The following RAPGEF6 variants were observed in gnomAD, a reference collection of about 807,000 sequenced individuals.
RAPGEF6 encodes Rap guanine nucleotide exchange factor 6.
A neutral mutation model predicts 171.4 loss-of-function variants in RAPGEF6; 56 were observed. The ratio of observed to expected loss-of-function variants is 0.33; its 90% CI spans 0.26 to 0.41. The LOEUF is 0.41. Ranked by LOEUF, RAPGEF6 falls within the 10% of genes least tolerant of loss-of-function variation. The pLI is 1.00. For synonymous variants in RAPGEF6, 692 were observed against 650.1 expected (o/e 1.06, Z -0.98); for missense variants, 1,674 against 1,921.4 (o/e 0.87, Z 2.41).
chr5:131,629,125 A>C (rs547374949), intron 1 of RAPGEF6, among the ~76,000 whole-genome samples: 2 of 152,300 alleles, frequency 1.3e-5, no homozygotes, highest in South Asian at 4.1e-4. Flanking sequence ...ATTCCCTAAC[A>C]GATCTGTGAA....
chr5:131,487,217 C>T (rs976128932), intron 15 of RAPGEF6, among the ~76,000 whole-genome samples: 9 of 152,172 alleles, frequency 5.9e-5, no homozygotes, highest in African/African-American at 1.9e-4. Flanking sequence ...AAGCCGCGGA[C>T]CTTCGCGGCG....
Position 131,431,327 on chromosome 5 carries a change from G to C in RAPGEF6, c.3997C>G (p.Leu1333Val). Residue 1333 changes from leucine (L) to valine (V), a missense_variant, in exon 26 of 28, where the codon CTA becomes GTA. Coordinates refer to ENST00000509018, the MANE Select transcript of RAPGEF6 (RefSeq NM_016340.6). Reference sequence around the variant, plus strand: ...GATGAGACAGCTAAACACTTGATTAGAGATGGCTTCAAGAGTGTCCACCTA... The same window carrying C: ...GATGAGACAGCTAAACACTTGATTACAGATGGCTTCAAGAGTGTCCACCTA... ...GPGWTLLKPS[L>V]IKCLAVSSSV... The C allele has an allele frequency of 1.9e-6, 3 of 1,607,042 alleles. No individual in the cohort carries two copies. The highest frequency in any genetic ancestry group is 2.6e-6 in the Non-Finnish European group (3 of 1,174,172).
At chr5:131,596,725 A>C (rs1384109978) in intron 3 of RAPGEF6, among the ~76,000 whole-genome samples, 1 of 152,246 alleles carries the variant, frequency 6.6e-6, no homozygotes, top group East Asian at 1.9e-4. Context: ...CTCTCACTAT[A>C]TACAAAAATC....
intron 16 of RAPGEF6, among the ~76,000 whole-genome samples, chr5:131,474,430 C>A (rs1048959579): frequency 6.6e-6 from 1 of 151,900 alleles, no homozygotes; most frequent in Non-Finnish European, 1.5e-5. Flanking sequence ...GGTGACAGAG[C>A]AAGACTCCGT....
At chr5:131,448,191 G>T (rs1353675682) in intron 21 of RAPGEF6, among the ~76,000 whole-genome samples, 1 of 152,194 alleles carries the variant, frequency 6.6e-6, no homozygotes, top group Non-Finnish European at 1.5e-5. Context: ...TATGGGGAAG[G>T]AGGGTTCTGG....
In RAPGEF6 at chr5:131,427,161, G is replaced by A; in HGVS notation, c.*105C>T. 9.6e-7 allele frequency: 1 copy of A among 1,040,490 alleles called. No individual in the cohort carries two copies. The highest frequency in any genetic ancestry group is 2.4e-5 in the East Asian group (1 of 42,238). 64.5% of individuals were successfully genotyped at this position (1,040,490 alleles called of 1,614,324 possible). A position where few individuals can be genotyped will look rare whatever the true frequency, so the allele number is the denominator to read the frequency against. On this transcript the variant is annotated 3_prime_UTR_variant, in exon 28 of 28. Transcript: ENST00000509018. ...TAGAGGGAATAAAACCTCTGGACTGGTTGTAGCAATGAGCTGTTCGTTAGC... is the reference window on the plus strand; with the variant it reads ...TAGAGGGAATAAAACCTCTGGACTGATTGTAGCAATGAGCTGTTCGTTAGC...
chr5:131,518,859 T>C (rs760061355), intron 7 of RAPGEF6, among the ~76,000 whole-genome samples: 1 of 152,228 alleles, frequency 6.6e-6, no homozygotes, highest in Non-Finnish European at 1.5e-5. Context: ...ATTCCTTTTA[T>C]CTTTTCATGC....
At chr5:131,515,755 T>C (rs1194368397) in intron 7 of RAPGEF6, among the ~76,000 whole-genome samples, 2 of 152,112 alleles carry the variant, frequency 1.3e-5, no homozygotes, top group Non-Finnish European at 2.9e-5. Context: ...AAGAGCATGA[T>C]TAAAACACAA....
intron 6 of RAPGEF6, among the ~76,000 whole-genome samples, chr5:131,522,911 G>A (rs941830215): frequency 3.9e-4 from 59 of 152,224 alleles, no homozygotes; most frequent in African/African-American, 1.4e-3. Flanking sequence ...TGACCTCAAT[G>A]CCTGATGCTA....
chr5:131,627,763 T>C (rs865783778), intron 1 of RAPGEF6, among the ~76,000 whole-genome samples: 1 of 152,186 alleles, frequency 6.6e-6, no homozygotes, highest in Non-Finnish European at 1.5e-5. Context: ...ATGACAACCC[T>C]GCATCAAGCA....
At chr5:131,432,790 T>C (rs2149806425) in intron 25 of RAPGEF6, among the ~76,000 whole-genome samples, 1 of 152,294 alleles carries the variant, frequency 6.6e-6, no homozygotes, top group East Asian at 1.9e-4. Context: ...ATAGAAAACA[T>C]TTGCTGACCT....
chr5:131,574,458 C>A (rs931966194), intron 4 of RAPGEF6, among the ~76,000 whole-genome samples: 1 of 152,134 alleles, frequency 6.6e-6, no homozygotes, highest in African/African-American at 2.4e-5. Flanking sequence ...ACCCACTCCA[C>A]ATTACCTTCT....
intron 1 of RAPGEF6, among the ~76,000 whole-genome samples, chr5:131,625,029 C>T (rs908549851): frequency 1.3e-5 from 2 of 151,970 alleles, no homozygotes; most frequent in Non-Finnish European, 2.9e-5. Context: ...TTTGGGAGGC[C>T]GAGGCGGGCA....
chr5:131,442,786 CTTTTTAT>C (rs1752468450), intron 22 of RAPGEF6, among the ~76,000 whole-genome samples: 1 of 151,954 alleles, frequency 6.6e-6, no homozygotes, highest in African/African-American at 2.4e-5. Context: ...CTAAATAAAT[CTTTTTAT>C]TTTTTATTTT....
intron 19 of RAPGEF6, among the ~76,000 whole-genome samples, chr5:131,460,045 CAAG>C (rs1357662838): frequency 6.6e-6 from 1 of 152,016 alleles, no homozygotes; most frequent in Non-Finnish European, 1.5e-5. Flanking sequence ...ACATGAAGTA[CAAG>C]AATACAAAAC....
At chr5:131,457,761 G>A (rs941263848) in intron 19 of RAPGEF6, among the ~76,000 whole-genome samples, 1 of 152,106 alleles carries the variant, frequency 6.6e-6, no homozygotes, top group Non-Finnish European at 1.5e-5. Flanking sequence ...TATCTGTGAG[G>A]AGCCATGGAA....
intron 15 of RAPGEF6, among the ~76,000 whole-genome samples, chr5:131,487,091 C>A (rs1371010123): frequency 6.6e-6 from 1 of 152,144 alleles, no homozygotes; most frequent in East Asian, 1.9e-4. Context: ...AAGATGCAGA[C>A]CTTCACGGTT....
At chr5:131,468,395 T>C (rs925416651) in intron 17 of RAPGEF6, among the ~76,000 whole-genome samples, 1 of 151,742 alleles carries the variant, frequency 6.6e-6, no homozygotes, top group Non-Finnish European at 1.5e-5. Context: ...GTAGAAATCT[T>C]ATGTAATAGG....
chr5:131,534,931 C>G (rs185040713), intron 6 of RAPGEF6, among the ~76,000 whole-genome samples: 3 of 152,000 alleles, frequency 2.0e-5, no homozygotes, highest in Admixed American at 1.3e-4. Flanking sequence ...CACCTTTCCC[C>G]CTTTTTATAA....
Sources: gnomAD v4.1 joint callset for allele counts (sites outside exome capture counted in the v4.1 genomes callset) on GRCh38, gnomAD v4.1.1 for gene constraint, MANE v1.5 for transcripts, NCBI Gene and HGNC (gene_info 2026-07-23, HGNC 2026-07-21) for gene names.